The following ADAM12 variants were observed in gnomAD, a reference collection of about 807,000 sequenced individuals.
ADAM12 encodes disintegrin and metalloproteinase domain-containing protein 12.
A neutral mutation model predicts 106.4 loss-of-function variants in ADAM12; 70 were observed. The observed-to-expected ratio is 0.66, with a 90% CI of 0.54 to 0.80. The LOEUF is 0.80. ADAM12 is among the 30% of genes least tolerant of loss of function. The pLI is 0.00. For missense variants in ADAM12, 1,010 were observed against 1,171.9 expected (o/e 0.86, Z 2.02); for synonymous variants, 420 against 433.5 (o/e 0.97, Z 0.39).
chr10:126,084,821 G>T (rs1013483098), intron 11 of ADAM12, among the ~76,000 whole-genome samples: 1 of 152,194 alleles, frequency 6.6e-6, no homozygotes, highest in African/African-American at 2.4e-5. Context: ...AAAGGCCAAA[G>T]AATGGATCAG....
intron 3 of ADAM12, among the ~76,000 whole-genome samples, chr10:126,166,905 A>G (rs1957035196): frequency 2.0e-5 from 3 of 152,192 alleles, no homozygotes. Context: ...TAAACCTGAT[A>G]AACGATTACT....
chr10:126,244,791 A>C (rs948102337), intron 3 of ADAM12, among the ~76,000 whole-genome samples: 1 of 152,212 alleles, frequency 6.6e-6, no homozygotes, highest in Admixed American at 6.5e-5. Context: ...AGAGGAAGGA[A>C]AATGCTACTT....
intron 9 of ADAM12, among the ~76,000 whole-genome samples, chr10:126,100,539 TAA>T (rs746416839): frequency 2.8e-4 from 34 of 123,372 alleles, no homozygotes; most frequent in East Asian, 4.6e-4. Flanking sequence ...CTGTCTCTAC[TAA>T]AAAAAAAAAA....
chr10:126,325,791 T>C (rs950208330), intron 2 of ADAM12, among the ~76,000 whole-genome samples: 2 of 152,184 alleles, frequency 1.3e-5, no homozygotes, highest in Non-Finnish European at 2.9e-5. Flanking sequence ...CTGTAAACTT[T>C]CAGTGTCACC....
At chr10:126,199,608 G>A (rs1472349738) in intron 3 of ADAM12, among the ~76,000 whole-genome samples, 2 of 151,996 alleles carry the variant, frequency 1.3e-5, no homozygotes, top group South Asian at 2.1e-4. Flanking sequence ...AGTGTGTCTC[G>A]GACCGTCTTA....
At chr10:126,135,136 C>A (rs182483377) in intron 5 of ADAM12, among the ~76,000 whole-genome samples, 1 of 152,194 alleles carries the variant, frequency 6.6e-6, no homozygotes, top group African/African-American at 2.4e-5. Flanking sequence ...ATTCAACTCA[C>A]CTTGGTTGTT....
chr10:126,357,460 A>C (rs1259916589), intron 1 of ADAM12, among the ~76,000 whole-genome samples: 1 of 152,188 alleles, frequency 6.6e-6, no homozygotes, highest in Non-Finnish European at 1.5e-5. Context: ...AAAGTCTCCC[A>C]TCAAAGAAAA....
intron 2 of ADAM12, among the ~76,000 whole-genome samples, chr10:126,286,940 G>A (rs984598026): frequency 7.9e-5 from 12 of 152,128 alleles, no homozygotes; most frequent in African/African-American, 2.9e-4. Context: ...TTAAGCACAG[G>A]ATCTTCTCAC....
intron 14 of ADAM12, among the ~76,000 whole-genome samples, chr10:126,050,735 A>T: frequency 6.6e-6 from 1 of 152,160 alleles, no homozygotes; most frequent in East Asian, 1.9e-4. Flanking sequence ...ATCCCTTCTC[A>T]TCAGCTACTA....
rs1953612539 is a variant in ADAM12, at chr10:126,014,006, T to G, written c.*3273A>C. On this transcript the variant is annotated 3_prime_UTR_variant, in exon 23 of 23. Transcript: ENST00000448723. ...GCGCAGTGAGGAAGGATCTCCAGCC[T>G]GAGTGTGCCGTGGGCCCCCCGAATA... The G allele has an allele frequency of 6.6e-6, 1 of 152,356 alleles. No individual in the cohort carries two copies. The allele number at this position is 152,356 out of a possible 1,614,324, so 9.4% of individuals were successfully genotyped here. A position where few individuals can be genotyped will look rare whatever the true frequency, so the allele number is the denominator to read the frequency against.
Position 126,311,108 on chromosome 10 carries a change from C to T in ADAM12, c.186+19304G>A, listed in dbSNP as rs991854580. 4.7e-5 allele frequency among the ~76,000 whole-genome samples: 7 copies of T among 150,492 alleles called. 1 individual carries two copies. Among genetic ancestry groups the T allele is most frequent in the African/African-American group, 1.2e-4 (5 of 40,704 alleles). Reference sequence around the variant, plus strand: ...ATACACACAAATACACACACACACACACACACACACACACACACACACACA... The same window carrying T: ...ATACACACAAATACACACACACACATACACACACACACACACACACACACA... On this transcript the variant is annotated intron_variant, in intron 2 of 22. Coordinates refer to ENST00000448723, the MANE Select transcript of ADAM12 (RefSeq NM_001288973.2).
rs143260339 is a variant in ADAM12 at position 126,176,742 on chromosome 10, C to T, written c.261-21437G>A. Among the ~76,000 whole-genome samples, 382 of 152,306 alleles carry T rather than the reference C, an allele frequency of 2.5e-3. 1 individual carries two copies. The highest frequency in any genetic ancestry group is 6.8e-3 in the Middle Eastern group (2 of 294). On this transcript the variant is annotated intron_variant, in intron 3 of 22. Coordinates refer to ENST00000448723, the MANE Select transcript of ADAM12 (RefSeq NM_001288973.2). Reference sequence around the variant, plus strand: ...CAAATAAAAACTTAATTCCTAACGGCTCTGAACAAAATCTCTCATTGTCTC... The same window carrying T: ...CAAATAAAAACTTAATTCCTAACGGTTCTGAACAAAATCTCTCATTGTCTC...
At chr10:126,169,061 A>C (rs1404305454) in intron 3 of ADAM12, among the ~76,000 whole-genome samples, 1 of 152,058 alleles carries the variant, frequency 6.6e-6, no homozygotes, top group African/African-American at 2.4e-5. Context: ...TCGAAAAAAA[A>C]CCCAAAAAGC....
intron 3 of ADAM12, among the ~76,000 whole-genome samples, chr10:126,229,285 G>A (rs182901506): frequency 1.2e-4 from 18 of 152,260 alleles, no homozygotes; most frequent in Middle Eastern, 3.4e-3. Flanking sequence ...TTTGCCTTTT[G>A]AGAAAAAGCC....
At chr10:126,307,549 T>C (rs1960902610) in intron 2 of ADAM12, among the ~76,000 whole-genome samples, 1 of 151,952 alleles carries the variant, frequency 6.6e-6, no homozygotes, top group Admixed American at 6.6e-5. Flanking sequence ...TCTTTTCTTT[T>C]TTTTGAAACA....
intron 7 of ADAM12, 124 bp from the exon 8 acceptor site, chr10:126,108,788 G>T: frequency 1.2e-6 from 1 of 807,770 alleles, no homozygotes; most frequent in Non-Finnish European, 2.0e-6. Flanking sequence ...CACAGTTCAC[G>T]GTAAAATGAG....
intron 11 of ADAM12, among the ~76,000 whole-genome samples, chr10:126,077,748 C>G (rs1955130593): frequency 6.6e-6 from 1 of 152,282 alleles, no homozygotes; most frequent in Middle Eastern, 3.4e-3. Flanking sequence ...AAAATTAACT[C>G]AAGATGGATT....
chr10:126,197,539 C>T (rs1275948974), intron 3 of ADAM12, among the ~76,000 whole-genome samples: 2 of 152,070 alleles, frequency 1.3e-5, no homozygotes, highest in East Asian at 1.9e-4. Flanking sequence ...GCCAGGAGTC[C>T]GAAGAGGAGC....
At chr10:126,051,536 C>CCAGCCATCCAT (rs1954490578) in intron 14 of ADAM12, among the ~76,000 whole-genome samples, 1 of 118,892 alleles carries the variant, frequency 8.4e-6, no homozygotes, top group Non-Finnish European at 1.8e-5. Flanking sequence ...CAGCCAGCCA[C>CCAGCCATCCAT]CCATCCATCC....
Sources: allele counts gnomAD v4.1 joint callset (sites outside exome capture counted in the v4.1 genomes callset), GRCh38; gene constraint gnomAD v4.1.1; transcripts MANE v1.5; gene names NCBI Gene and HGNC (gene_info 2026-07-23, HGNC 2026-07-21).